ATP2C1: variants seen among roughly 807,000 people sequenced by gnomAD.
ATP2C1 encodes calcium-transporting ATPase type 2C member 1.
ATP2C1 carries 31 observed loss-of-function variants against 120.5 expected under a neutral mutation model. That is an observed-to-expected ratio of 0.26 (90% confidence interval 0.19 to 0.35). The LOEUF is 0.35. Ranked by LOEUF, ATP2C1 falls within the 10% of genes least tolerant of loss-of-function variation. ATP2C1 has a pLI of 1.00. For missense variants in ATP2C1, 731 were observed against 1,107.5 expected (o/e 0.66, Z 4.83); for synonymous variants, 351 against 358.7 (o/e 0.98, Z 0.24).
intron 11 of ATP2C1, 63 bp downstream of exon 11, chr3:130,956,242 G>A: frequency 2.0e-6 from 2 of 1,005,394 alleles, no homozygotes; most frequent in South Asian, 2.8e-5. Flanking sequence ...TGTGAAGGGT[G>A]GTGGTATTCT....
chr3:130,898,817 T>G (rs2069876327), intron 2 of ATP2C1, among the ~76,000 whole-genome samples: 1 of 152,202 alleles, frequency 6.6e-6, no homozygotes. Context: ...AGCCATGATC[T>G]GTTTTGCAAG....
At chr3:130,898,855 A>G (rs951381884) in intron 2 of ATP2C1, among the ~76,000 whole-genome samples, 2 of 152,160 alleles carry the variant, frequency 1.3e-5, no homozygotes, top group East Asian at 3.8e-4. Flanking sequence ...AGGTGCCAGG[A>G]ACACTGTGGC....
At chr3:131,011,191 G>A (rs1234405458) in intron 26 of ATP2C1, among the ~76,000 whole-genome samples, 2 of 152,096 alleles carry the variant, frequency 1.3e-5, no homozygotes, top group African/African-American at 4.8e-5. Context: ...ATGATCAAAT[G>A]GCATGAAAGA....
At chr3:130,858,142 A>G (rs976697338) in intron 1 of ATP2C1, among the ~76,000 whole-genome samples, 8 of 152,116 alleles carry the variant, frequency 5.3e-5, no homozygotes, top group African/African-American at 1.9e-4. Flanking sequence ...CTGGCAGCTG[A>G]TTAGATGGCG....
intron 26 of ATP2C1, among the ~76,000 whole-genome samples, chr3:130,999,299 C>T (rs1165114736): frequency 1.3e-5 from 2 of 151,992 alleles, no homozygotes; most frequent in East Asian, 3.9e-4. Context: ...TTTAAGCAAG[C>T]CTTTTCTTGA....
Position 131,002,635 on chromosome 3 carries a change from T to A in ATP2C1, c.*1285T>A. On this transcript the variant is annotated 3_prime_UTR_variant, in exon 28 of 28. Coordinates refer to ENST00000510168, the MANE Select transcript of ATP2C1 (RefSeq NM_001378687.1). ...AAATTTAAAATTAGAAATTTGTTTT[T>A]CTGTTGAGTATATAAACAAAAATTG... 3 of 985,410 alleles carry A rather than the reference T, an allele frequency of 3.0e-6. No homozygotes were observed. Among genetic ancestry groups the A allele is most frequent in the Non-Finnish European group, 3.6e-6 (3 of 829,886 alleles). The allele number at this position is 985,410 out of a possible 1,614,324, so 61.0% of individuals were successfully genotyped here.
intron 2 of ATP2C1, among the ~76,000 whole-genome samples, chr3:130,925,953 T>C (rs2059185316): frequency 1.3e-5 from 2 of 152,158 alleles, no homozygotes; most frequent in South Asian, 4.1e-4. Flanking sequence ...ACCTGTGGTC[T>C]TAAAGGCTGG....
chr3:130,931,729 GT>G (rs1371253798), intron 3 of ATP2C1, among the ~76,000 whole-genome samples: 1 of 151,848 alleles, frequency 6.6e-6, no homozygotes, highest in Non-Finnish European at 1.5e-5. Flanking sequence ...AAAATACAAT[GT>G]ACTTTTTAAA....
intron 26 of ATP2C1, 37 bp downstream of exon 26, chr3:130,998,426 A>C: frequency 2.8e-6 from 4 of 1,453,570 alleles, no homozygotes; most frequent in Non-Finnish European, 3.9e-6. Flanking sequence ...GACTTGATTG[A>C]CTCACTTGAG....
intron 2 of ATP2C1, among the ~76,000 whole-genome samples, chr3:130,911,480 G>A (rs554775357): frequency 9.1e-4 from 136 of 149,550 alleles, no homozygotes; most frequent in African/African-American, 3.2e-3. Context: ...GTTATTTCTT[G>A]CCTTCTGCTA....
chr3:130,979,299 T>G lies in ATP2C1; in HGVS notation c.1621T>G (p.Leu541Val), dbSNP rs2108771822. 1 of 1,613,758 alleles carries G rather than the reference T, an allele frequency of 6.2e-7. No homozygotes were observed. The highest frequency in any genetic ancestry group is 8.5e-7 in the Non-Finnish European group (1 of 1,179,762). ...ACTGGGACAGCTGACATTTCTTGGC[T>G]TGGTGGGAATCATTGATCCACCTAG... ...PELGQLTFLGLVGIIDPPRTG... is the reference protein window; with the variant it reads ...PELGQLTFLGVVGIIDPPRTG... The change falls in exon 19 of 28, where the codon TTG becomes GTG. Residue 541 changes from leucine to valine, a missense_variant. Physicochemically the swap from Leu to Val is conservative, Grantham distance 32 (BLOSUM62 1). This residue lies in a region of ATP2C1 where 571 missense variants were observed against 845.9 expected (regional missense o/e 0.67). Transcript: ENST00000510168.
In ATP2C1 at chr3:131,001,530, A is replaced by T; in HGVS notation, c.*180A>T. 11 of 1,306,072 alleles carry T rather than the reference A, an allele frequency of 8.4e-6. No homozygotes were observed. Among genetic ancestry groups the T allele is most frequent in the Non-Finnish European group, 1.1e-5 (11 of 1,023,756 alleles). The allele number at this position is 1,306,072 out of a possible 1,614,324, so 80.9% of individuals were successfully genotyped here. A position where few individuals can be genotyped will look rare whatever the true frequency, so the allele number is the denominator to read the frequency against. On this transcript the variant is annotated 3_prime_UTR_variant, in exon 28 of 28. Coordinates refer to ENST00000510168, the MANE Select transcript of ATP2C1 (RefSeq NM_001378687.1). ...TGGCAGTCCCAAATGAAATTATGCA[A>T]CTTTGATATCATATTCCTTGATTTA...
intron 4 of ATP2C1, 115 bp downstream of exon 4, chr3:130,932,253 G>C: frequency 4.1e-6 from 3 of 727,242 alleles, no homozygotes; most frequent in South Asian, 1.6e-5. Flanking sequence ...ATTTTTAGAT[G>C]TTTTTTACCT....
intron 1 of ATP2C1, among the ~76,000 whole-genome samples, chr3:130,871,883 G>A (rs115724670): frequency 6.6e-6 from 1 of 152,096 alleles, no homozygotes; most frequent in Non-Finnish European, 1.5e-5. Flanking sequence ...TTAGCCAGGC[G>A]TGCTGGCGCG....
chr3:130,957,880 A>G (rs530558806), intron 11 of ATP2C1, among the ~76,000 whole-genome samples: 2 of 152,336 alleles, frequency 1.3e-5, no homozygotes, highest in Admixed American at 6.5e-5. Flanking sequence ...ATTAGTTGAA[A>G]TAACTTTGTA....
intron 2 of ATP2C1, among the ~76,000 whole-genome samples, chr3:130,929,068 C>A (rs949506819): frequency 6.6e-6 from 1 of 152,120 alleles, no homozygotes; most frequent in Non-Finnish European, 1.5e-5. Flanking sequence ...TAAGTTTTTA[C>A]ATTTCTTAAT....
At chr3:130,921,324 C>T (rs775514352) in intron 2 of ATP2C1, among the ~76,000 whole-genome samples, 14 of 152,086 alleles carry the variant, frequency 9.2e-5, no homozygotes, top group African/African-American at 2.4e-4. Flanking sequence ...TCAAGTGATC[C>T]GCCCACCTCG....
At chr3:130,893,886 T>A (rs527974955), upstream of ATP2C1, 2 of 979,140 alleles carry the variant, frequency 2.0e-6, no homozygotes, top group African/African-American at 1.8e-5. Context: ...AACCCAAACA[T>A]TGTCCATTCC....
At chr3:130,995,162 C>T (rs1028586241) in intron 22 of ATP2C1, among the ~76,000 whole-genome samples, 1 of 152,014 alleles carries the variant, frequency 6.6e-6, no homozygotes, top group East Asian at 1.9e-4. Context: ...GCCTGTAATG[C>T]CAGCACTTTG....
Sources: allele counts gnomAD v4.1 joint callset (sites outside exome capture counted in the v4.1 genomes callset), GRCh38; gene constraint gnomAD v4.1.1; regional missense constraint gnomAD v4.1.1; transcripts MANE v1.5; gene names NCBI Gene and HGNC (gene_info 2026-07-23, HGNC 2026-07-21).